TFAP2A: variants seen among roughly 807,000 people sequenced by gnomAD.
TFAP2A encodes transcription factor AP-2-alpha.
Under a neutral mutation model 41.5 loss-of-function variants are expected in TFAP2A, and 7 were observed. The observed-to-expected ratio is 0.17, with a 90% confidence interval of 0.10 to 0.32. TFAP2A has a LOEUF of 0.32. Among genes scored for constraint, TFAP2A ranks in the 10% least tolerant of loss-of-function variants. The pLI is 1.00. For missense variants in TFAP2A, 416 were observed against 563.3 expected (o/e 0.74, Z 2.65); for synonymous variants, 247 against 242.8 (o/e 1.02, Z -0.16).
At chr6:10,404,071 A>G (rs948967408) in intron 4 of TFAP2A, among the ~76,000 whole-genome samples, 3 of 152,220 alleles carry the variant, frequency 2.0e-5, no homozygotes, top group African/African-American at 7.2e-5. Flanking sequence ...GACCCTACTC[A>G]GAGAGGTAAG....
chr6:10,414,902 C>A (rs763612207), intron 1 of TFAP2A, 39 bp downstream of exon 1: 5 of 1,612,270 alleles, frequency 3.1e-6, no homozygotes, highest in Non-Finnish European at 4.2e-6. Context: ...AGCTCGGAGC[C>A]TGTGACCGCA....
At chr6:10,412,130 A>G (rs1006189465) in intron 1 of TFAP2A, 2 of 994,898 alleles carry the variant, frequency 2.0e-6, no homozygotes, top group African/African-American at 3.5e-5. Context: ...CCGGCTCTCA[A>G]TGCAGTCCAT....
At chr6:10,400,424 A>ACCC in intron 6 of TFAP2A, 24 bp downstream of exon 6, 2 of 1,614,120 alleles carry the variant, frequency 1.2e-6, no homozygotes, top group Non-Finnish European at 1.7e-6. Flanking sequence ...AGACACAGAG[A>ACCC]CCCCATAGAG....
At chr6:10,405,642 C>G (rs1757679348) in intron 3 of TFAP2A, 1 of 152,078 alleles carries the variant, frequency 6.6e-6, no homozygotes, top group East Asian at 1.9e-4. Flanking sequence ...TTTCTCAGCA[C>G]CAGTGTAATT....
intron 3 of TFAP2A, 149 bp downstream of exon 3, chr6:10,406,644 T>G (rs1757726848): frequency 4.2e-6 from 3 of 713,530 alleles, no homozygotes; most frequent in Admixed American, 2.0e-5. Context: ...GGCTGATTAT[T>G]TAAGCATTGC....
chr6:10,417,438 T>C (rs1164103092), upstream of TFAP2A, among the ~76,000 whole-genome samples: 1 of 152,092 alleles, frequency 6.6e-6, no homozygotes. Context: ...AGCGCCAGGG[T>C]CGCCTCTGGA....
At chr6:10,401,370 T>G (rs1761998362) in intron 5 of TFAP2A, among the ~76,000 whole-genome samples, 1 of 152,184 alleles carries the variant, frequency 6.6e-6, no homozygotes, top group Non-Finnish European at 1.5e-5. Context: ...AATAGTGGGT[T>G]CTCTATGGAC....
chr6:10,418,930 G>T (rs79862646), upstream of TFAP2A, among the ~76,000 whole-genome samples: 8,985 of 152,024 alleles, frequency 0.059, 898 homozygotes, highest in African/African-American at 0.21. Context: ...CCGAAATCTG[G>T]GGGTACCAAG....
In TFAP2A at chr6:10,398,687, G is replaced by A. The variant is rs754379873; in HGVS notation, c.1050C>T (p.Phe350=). The A allele has an allele frequency of 3.1e-6, 5 of 1,614,014 alleles. No individual in the cohort carries two copies. The highest frequency in any genetic ancestry group is 4.2e-6 in the Non-Finnish European group (5 of 1,180,010). Residue 350 remains phenylalanine (F), a synonymous_variant, in exon 7 of 7, where the codon TTC becomes TTT. Coordinates refer to ENST00000379613, the MANE Select transcript of TFAP2A (RefSeq NM_001372066.1). The surrounding 1 kb of genome is among the most constrained non-coding windows in gnomAD (Gnocchi z 5.3). ...ATCGGTCCTGAGCCAGCAGGTCGGT[G>A]AACTCTTTGCATATCTGTCTGCAGC... ...LLATKQICKE[F]TDLLAQDRSP...
At chr6:10,415,202 G>A (rs1265950691), upstream of TFAP2A, 4 of 1,482,634 alleles carry the variant, frequency 2.7e-6, no homozygotes, top group African/African-American at 4.2e-5. Context: ...GCGAGGAGAA[G>A]GGCGAGGAGG....
chr6:10,398,760 T>C lies in TFAP2A; in HGVS notation c.1032-55A>G. On this transcript the variant is annotated intron_variant, in intron 6 of 6. Transcript: ENST00000379613. The surrounding 1 kb of genome is among the most constrained non-coding windows in gnomAD (Gnocchi z 5.3). ...CATAAGGCTCCACTATGGGCAGCAC[T>C]AGCAGCAAAGAGAAAACCTCCCTCC... 1 of 1,592,654 alleles carries C rather than the reference T, an allele frequency of 6.3e-7. No homozygotes were observed. The highest frequency in any genetic ancestry group is 8.6e-7 in the Non-Finnish European group (1 of 1,166,004).
Position 10,398,091 on chromosome 6 carries a change from A to G in TFAP2A, c.*326T>C, listed in dbSNP as rs1258624822. 4 of 1,206,140 alleles carry G rather than the reference A, an allele frequency of 3.3e-6. No homozygotes were observed. Among genetic ancestry groups the G allele is most frequent in the Non-Finnish European group, 4.1e-6 (4 of 968,516 alleles). The allele number at this position is 1,206,140 out of a possible 1,614,324, so 74.7% of individuals were successfully genotyped here. On this transcript the variant is annotated 3_prime_UTR_variant, in exon 7 of 7. Transcript: ENST00000379613. This position sits in a 1 kb window ranked among gnomAD's most constrained non-coding sequence, Gnocchi z 5.3. Reference sequence around the variant, plus strand: ...TGATTTGTTGTTTTGTTTAAAAAAAAAAGGGTTCACAAACTTGGCAGAACT... The same window carrying G: ...TGATTTGTTGTTTTGTTTAAAAAAAGAAGGGTTCACAAACTTGGCAGAACT...
At chr6:10,402,774 T>A (rs1015744334) in intron 4 of TFAP2A, among the ~76,000 whole-genome samples, 164 bp from the exon 5 acceptor site, 2 of 152,228 alleles carry the variant, frequency 1.3e-5, no homozygotes, top group East Asian at 3.8e-4. Flanking sequence ...CAGAAGTTCA[T>A]AGGAGATAAA....
chr6:10,399,604 G>C (rs998946013), intron 6 of TFAP2A, among the ~76,000 whole-genome samples: 1 of 152,194 alleles, frequency 6.6e-6, no homozygotes, highest in Admixed American at 6.5e-5. Context: ...AGGAGCCTGG[G>C]CTGGCTCCCT....
chr6:10,411,385 T>G (rs1020846888), intron 1 of TFAP2A, among the ~76,000 whole-genome samples: 1 of 150,898 alleles, frequency 6.6e-6, no homozygotes, highest in Non-Finnish European at 1.5e-5. Context: ...TAGGGGGTAA[T>G]GCACTCGATT....
chr6:10,405,554 A>C (rs1157696061), intron 3 of TFAP2A: 1 of 151,484 alleles, frequency 6.6e-6, no homozygotes, highest in African/African-American at 2.4e-5. Context: ...TAAAACCATA[A>C]GCTCTTTATT....
intron 4 of TFAP2A, among the ~76,000 whole-genome samples, chr6:10,403,663 A>T (rs1757525613): frequency 6.6e-6 from 1 of 152,238 alleles, no homozygotes; most frequent in Admixed American, 6.5e-5. Flanking sequence ...CACAACGTGC[A>T]GTGGAATCCT....
chr6:10,411,514 G>A (rs1347850875), intron 1 of TFAP2A: 42 of 1,613,290 alleles, frequency 2.6e-5, no homozygotes, highest in Non-Finnish European at 3.6e-5. Flanking sequence ...CACGGCACCA[G>A]GTTTCCAGAA....
At chr6:10,413,228 C>T (rs1056689707) in intron 1 of TFAP2A, among the ~76,000 whole-genome samples, 12 of 152,252 alleles carry the variant, frequency 7.9e-5, no homozygotes, top group African/African-American at 2.4e-4. Context: ...TTGCCCACCA[C>T]GGCCAAAGTT....
Sources: allele counts gnomAD v4.1 joint callset (sites outside exome capture counted in the v4.1 genomes callset), GRCh38; gene constraint gnomAD v4.1.1; non-coding constraint Gnocchi (gnomAD v3.1); transcripts MANE v1.5; gene names NCBI Gene and HGNC (gene_info 2026-07-23, HGNC 2026-07-21).